TJP2: variants seen among roughly 807,000 people sequenced by gnomAD.
TJP2 encodes the protein Friedreich ataxia region gene X104 (tight junction protein ZO-2).
In TJP2, 91 loss-of-function variants were observed where a neutral mutation model predicts 133.1. The observed-to-expected ratio is 0.68, with a 90% CI of 0.58 to 0.81. The LOEUF is 0.81. TJP2 is among the 40% of genes least tolerant of loss of function. The probability of loss-of-function intolerance (pLI) is 0.00; values close to 1 mark genes in which losing one functional copy is unlikely to be tolerated. For missense variants in TJP2, 1,541 were observed against 1,565.6 expected (o/e 0.98, Z 0.26); for synonymous variants, 592 against 583.4 (o/e 1.01, Z -0.21).
intron 1 of TJP2, among the ~76,000 whole-genome samples, chr9:69,201,952 C>A (rs1157640366): frequency 6.6e-6 from 1 of 152,024 alleles, no homozygotes; most frequent in Non-Finnish European, 1.5e-5. Flanking sequence ...TTGCCAGGAG[C>A]TGAGGGGAGA....
At chr9:69,129,932 C>T (rs1012168749) in intron 1 of TJP2, among the ~76,000 whole-genome samples, 12 of 150,918 alleles carry the variant, frequency 8.0e-5, no homozygotes, top group African/African-American at 2.9e-4. Context: ...AGAAAATCGC[C>T]TGAACCCGGG....
chr9:69,204,900 C>G, intron 1 of TJP2: 8 of 1,246,172 alleles, frequency 6.4e-6, no homozygotes, highest in Non-Finnish European at 6.0e-6. Flanking sequence ...CTCTAGTTCC[C>G]TGGCAAGGGA....
chr9:69,155,345 C>G (rs1051200011), intron 2 of TJP2, among the ~76,000 whole-genome samples: 10 of 152,166 alleles, frequency 6.6e-5, no homozygotes, highest in Admixed American at 2.0e-4. Flanking sequence ...TCCCTCTTCC[C>G]TAGGGGCTCC....
chr9:69,201,817 A>C (rs1827016120), intron 1 of TJP2, among the ~76,000 whole-genome samples: 1 of 152,202 alleles, frequency 6.6e-6, no homozygotes, highest in Non-Finnish European at 1.5e-5. Flanking sequence ...CACCACGTAG[A>C]CGAACCTTGA....
chr9:69,202,266 C>A (rs759936423), intron 1 of TJP2, among the ~76,000 whole-genome samples: 1 of 152,108 alleles, frequency 6.6e-6, no homozygotes, highest in Admixed American at 6.6e-5. Flanking sequence ...TCAGTCCCTC[C>A]AGCCCTTTTG....
intron 1 of TJP2, among the ~76,000 whole-genome samples, chr9:69,185,614 G>C (rs1051450117): frequency 3.3e-5 from 5 of 152,108 alleles, no homozygotes; most frequent in African/African-American, 1.2e-4. Flanking sequence ...TAATTTTATG[G>C]AACCTAATGA....
intron 1 of TJP2, among the ~76,000 whole-genome samples, chr9:69,175,833 G>C (rs1443537693): frequency 6.6e-6 from 1 of 152,148 alleles, no homozygotes; most frequent in Non-Finnish European, 1.5e-5. Flanking sequence ...CTGCAGTGGG[G>C]CCACTTTATT....
chr9:69,254,087 G>C, intron 22 of TJP2, 122 bp from the exon 23 acceptor site: 1 of 1,144,430 alleles, frequency 8.7e-7, no homozygotes, highest in Non-Finnish European at 1.3e-6. Context: ...TCTGCAGAAT[G>C]TGGCTCAGAG....
chr9:69,196,826 CTG>C (rs1278104774), intron 1 of TJP2, among the ~76,000 whole-genome samples: 1 of 152,056 alleles, frequency 6.6e-6, no homozygotes, highest in African/African-American at 2.4e-5. Context: ...CTTTCAGCCT[CTG>C]TGGATTTGCC....
At chr9:69,153,476 CG>C (rs1823589450) in intron 2 of TJP2, among the ~76,000 whole-genome samples, 1 of 152,036 alleles carries the variant, frequency 6.6e-6, no homozygotes, top group African/African-American at 2.4e-5. Context: ...CCCAGCTACT[CG>C]GGAGGCTGAG....
intron 1 of TJP2, among the ~76,000 whole-genome samples, chr9:69,180,796 C>T (rs916286546): frequency 2.0e-5 from 3 of 152,208 alleles, no homozygotes; most frequent in Non-Finnish European, 4.4e-5. Context: ...CTGGTTTCTG[C>T]GTTACCCTTC....
Position 69,185,398 on chromosome 9 carries a change from CTTTATAG to C in TJP2, c.60+10968_60+10974del, listed in dbSNP as rs945229406. Among the ~76,000 whole-genome samples, 11 of 152,316 alleles carry C rather than the reference CTTTATAG, an allele frequency of 7.2e-5. No homozygotes were observed. In the South Asian group the frequency reaches 8.3e-4, roughly 11 times the overall value. On this transcript the variant is annotated intron_variant, in intron 1 of 22. Transcript: ENST00000377245. Reference sequence around the variant, plus strand: ...CTGTAACGGATGTTCATTCTTTTCACTTTATAGTCACATGGATGCCACTGTAAGAGCT... The same window carrying C: ...CTGTAACGGATGTTCATTCTTTTCACTCACATGGATGCCACTGTAAGAGCT...
At chr9:69,198,943 A>G (rs1390859236) in intron 1 of TJP2, among the ~76,000 whole-genome samples, 1 of 152,210 alleles carries the variant, frequency 6.6e-6, no homozygotes, top group Non-Finnish European at 1.5e-5. Context: ...ATAATGTTAA[A>G]AATTATTCGT....
At position 69,228,215 on chromosome 9, in the gene TJP2, A is replaced by G. The variant is rs544454932; in HGVS notation, c.1453+101A>G. ...AATCATGTCCTTTGCAGCCACGTGG[A>G]TGCAGCTGGAGGCCATTATCCTAAG... is the stretch of plus-strand genomic sequence containing the variant. On this transcript the variant is annotated intron_variant, in intron 9 of 22. Coordinates refer to ENST00000377245, the MANE Select transcript of TJP2 (RefSeq NM_004817.4). 8 of 1,389,404 alleles carry G rather than the reference A, an allele frequency of 5.8e-6. No individual in the cohort carries two copies. The South Asian group carries it at 7.5e-5, about 13-fold the overall frequency. 86.1% of individuals were successfully genotyped at this position (1,389,404 alleles called of 1,614,324 possible).
At chr9:69,203,742 T>C (rs1042129184) in intron 1 of TJP2, among the ~76,000 whole-genome samples, 4 of 148,938 alleles carry the variant, frequency 2.7e-5, no homozygotes, top group Non-Finnish European at 5.9e-5. Flanking sequence ...GCCTCCCAAG[T>C]ATCTGGGACT....
At chr9:69,154,932 T>C (rs1220590652) in intron 2 of TJP2, among the ~76,000 whole-genome samples, 2 of 151,816 alleles carry the variant, frequency 1.3e-5, no homozygotes, top group African/African-American at 4.8e-5. Context: ...GAAAAGTGAG[T>C]TGAGGTTGGG....
intron 1 of TJP2, among the ~76,000 whole-genome samples, chr9:69,132,597 G>C (rs1295316057): frequency 6.6e-6 from 1 of 152,168 alleles, no homozygotes; most frequent in East Asian, 1.9e-4. Flanking sequence ...AAAGTCCTGT[G>C]CATTCATTCA....
At chr9:69,174,909 GTT>G (rs35641843) in intron 1 of TJP2, among the ~76,000 whole-genome samples, 32,147 of 138,662 alleles carry the variant, frequency 0.23, 3,805 homozygotes, top group South Asian at 0.37. Context: ...AGTAAAAGTT[GTT>G]TTTTTTTTTT....
chr9:69,221,311 C>T lies in TJP2; in HGVS notation c.767C>T (p.Ala256Val), dbSNP rs1266640794. Residue 256 changes from alanine (A) to valine (V), a missense_variant, in exon 5 of 23, where the codon GCC becomes GTC. Transcript: ENST00000377245. Reference protein sequence around the residue: ...DQDYERAYHRAYDPDYERAYS... With the variant: ...DQDYERAYHRVYDPDYERAYS... ...GACTACGAGCGAGCCTATCACCGGG[C>T]CTACGACCCAGACTACGAGCGGGCC... is the stretch of plus-strand genomic sequence containing the variant. The T allele has an allele frequency of 6.2e-7, 1 of 1,604,632 alleles. No individual in the cohort carries two copies. Among genetic ancestry groups the T allele is most frequent in the South Asian group, 1.1e-5 (1 of 89,764 alleles).
Sources: allele counts gnomAD v4.1 joint callset (sites outside exome capture counted in the v4.1 genomes callset), GRCh38; gene constraint gnomAD v4.1.1; transcripts MANE v1.5; gene names NCBI Gene and HGNC (gene_info 2026-07-23, HGNC 2026-07-21).